The following MBNL3 variants were observed in gnomAD, a reference collection of about 807,000 sequenced individuals.
The protein encoded by MBNL3 is muscleblind like splicing regulator 3.
Under a neutral mutation model 24.5 loss-of-function variants are expected in MBNL3, and 6 were observed. The ratio of observed to expected loss-of-function variants is 0.25; its 90% CI spans 0.13 to 0.48. The LOEUF is 0.48. Among genes scored for constraint, MBNL3 ranks in the 20% least tolerant of loss-of-function variants. The pLI, the probability that MBNL3 is intolerant of heterozygous loss-of-function variation, is 0.99. For synonymous variants in MBNL3, 100 were observed against 101.7 expected, an observed-to-expected ratio of 0.98 and a Z score of 0.10; for missense variants, 230 against 293.5, an observed-to-expected ratio of 0.78 and a Z score of 1.58.
At chrX:132,396,496 AT>A (rs1299661856) in intron 3 of MBNL3, among the ~76,000 whole-genome samples, 1 of 72,955 alleles carries the variant, frequency 1.4e-5, no homozygotes, top group Non-Finnish European at 2.4e-5. Flanking sequence ...TCCTATATAT[AT>A]TCCTATATAT....
chrX:132,462,040 C>T (rs1946655192), intron 1 of MBNL3, among the ~76,000 whole-genome samples: 1 of 111,556 alleles, frequency 9.0e-6, no homozygotes, highest in African/African-American at 3.3e-5. Flanking sequence ...GATCTACAGG[C>T]CAACTCCCTC....
rs181994946 is a variant in MBNL3 at position 132,386,575 on chromosome X, T to C, written c.922+86A>G. ...TCAAAATACATGTCGACAGTCCTCC[T>C]ATACAAGCTCTTTGAAAGCTGTTTT... On this transcript the variant is annotated intron_variant, in intron 6 of 8. Coordinates refer to ENST00000370853, the MANE Select transcript of MBNL3 (RefSeq NM_001386889.1). The C allele has an allele frequency of 6.5e-4, 685 of 1,060,128 alleles. 4 individuals are homozygous for C. The African/African-American group carries it at 0.011, about 18-fold the overall frequency. 87.4% of individuals were successfully genotyped at this position (1,060,128 alleles called of 1,213,427 possible). A position where few individuals can be genotyped will look rare whatever the true frequency, so the allele number is the denominator to read the frequency against.
intron 1 of MBNL3, among the ~76,000 whole-genome samples, chrX:132,454,929 A>T (rs1434090840): frequency 8.9e-6 from 1 of 111,952 alleles, no homozygotes; most frequent in African/African-American, 3.2e-5. Flanking sequence ...AAAAATTTTC[A>T]TTTTTCTCTT....
rs1423074175 is a variant in MBNL3 at position 132,370,052 on chromosome X, CTGTT to C, written c.*9610_*9613del. 2 of 111,942 alleles carry C rather than the reference CTGTT, an allele frequency of 1.8e-5. No individual in the cohort carries two copies. Among genetic ancestry groups the C allele is most frequent in the Non-Finnish European group, 3.8e-5 (2 of 53,216 alleles). 9.2% of individuals were successfully genotyped at this position (111,942 alleles called of 1,213,427 possible). A position where few individuals can be genotyped will look rare whatever the true frequency, so the allele number is the denominator to read the frequency against. On this transcript the variant is annotated 3_prime_UTR_variant, in exon 9 of 9. Coordinates refer to ENST00000370853, the MANE Select transcript of MBNL3 (RefSeq NM_001386889.1). ...GGCTGCCCTTTGTATCCAAAATCCTCTGTTTGGAGCTCTTGGCTTTTATTCCCCA... is the reference window on the plus strand; with the variant it reads ...GGCTGCCCTTTGTATCCAAAATCCTCTGGAGCTCTTGGCTTTTATTCCCCA...
intron 2 of MBNL3, among the ~76,000 whole-genome samples, chrX:132,426,295 A>T (rs192968338): frequency 7.1e-5 from 8 of 112,258 alleles, no homozygotes; most frequent in Admixed American, 1.9e-4. Flanking sequence ...TAAGATGAGC[A>T]CAAGGTCAGT....
At chrX:132,396,775 TATATATATTCATATATATATTC>T (rs1325667586) in intron 3 of MBNL3, among the ~76,000 whole-genome samples, 220 of 9,196 alleles carry the variant, frequency 0.024, 21 homozygotes, top group Admixed American at 0.17. Context: ...CATATATACA[TATATATATTCATATATATATTC>T]ATATATATTC....
At chrX:132,436,398 T>G (rs929825940) in intron 2 of MBNL3, among the ~76,000 whole-genome samples, 1 of 112,047 alleles carries the variant, frequency 8.9e-6, no homozygotes, top group Non-Finnish European at 1.9e-5. Context: ...CATTATGAGG[T>G]GAGTTAGAAC....
intron 1 of MBNL3, among the ~76,000 whole-genome samples, chrX:132,470,140 T>C (rs1947102026): frequency 8.9e-6 from 1 of 111,912 alleles, no homozygotes; most frequent in Non-Finnish European, 1.9e-5. Context: ...TTCCACTTTT[T>C]GGCTATTGTG....
At chrX:132,388,712 A>T (rs1423240371) in intron 5 of MBNL3, among the ~76,000 whole-genome samples, 1 of 111,328 alleles carries the variant, frequency 9.0e-6, no homozygotes, top group African/African-American at 3.3e-5. Flanking sequence ...ACTGTGGATG[A>T]ACTAAGTATC....
chrX:132,432,928 A>G (rs1944857207), intron 2 of MBNL3: 1 of 111,974 alleles, frequency 8.9e-6, no homozygotes, highest in South Asian at 3.7e-4. Flanking sequence ...GCCAGGACTC[A>G]CAGACTCAAT....
intron 3 of MBNL3, among the ~76,000 whole-genome samples, chrX:132,396,551 TATTCCTATATATATTCCTATA>T (rs1320428774): frequency 4.3e-5 from 1 of 23,415 alleles, no homozygotes; most frequent in Non-Finnish European, 1.1e-4. Context: ...TATTCCTATA[TATTCCTATATATATTCCTATA>T]TATATTCCTA....
At chrX:132,422,579 C>T (rs1217128935) in intron 2 of MBNL3, among the ~76,000 whole-genome samples, 2 of 111,833 alleles carry the variant, frequency 1.8e-5, no homozygotes, top group Admixed American at 1.9e-4. Context: ...ATAGGTCTCC[C>T]AAAGAAACAT....
At chrX:132,462,794 A>G (rs1946692409) in intron 1 of MBNL3, among the ~76,000 whole-genome samples, 1 of 111,560 alleles carries the variant, frequency 9.0e-6, no homozygotes, top group South Asian at 3.7e-4. Flanking sequence ...ACTGTATTCA[A>G]TACGTGACAC....
chrX:132,417,325 G>A (rs1943390023), intron 2 of MBNL3, among the ~76,000 whole-genome samples: 1 of 111,713 alleles, frequency 9.0e-6, no homozygotes, highest in Non-Finnish European at 1.9e-5. Flanking sequence ...TAGTGATAAA[G>A]GGAGGCTTTT....
At chrX:132,475,297 C>A in intron 1 of MBNL3, among the ~76,000 whole-genome samples, 1 of 112,131 alleles carries the variant, frequency 8.9e-6, no homozygotes, top group African/African-American at 3.2e-5. Context: ...CCTTTTGTTA[C>A]ATCAAGATGG....
chrX:132,405,098 C>A lies in MBNL3; in HGVS notation c.342+1130G>T, dbSNP rs1941565836. Among the ~76,000 whole-genome samples, 3 of 111,960 alleles carry A rather than the reference C, an allele frequency of 2.7e-5. No individual in the cohort carries two copies. In the Admixed American group the frequency reaches 2.8e-4, roughly 11 times the overall value. On this transcript the variant is annotated intron_variant, in intron 3 of 8. Coordinates refer to ENST00000370853, the MANE Select transcript of MBNL3 (RefSeq NM_001386889.1). ...AGGGCAAGATGAATTTTCAATAGAA[C>A]AATATGAACAGATATAGCTTAATTA...
intron 1 of MBNL3, among the ~76,000 whole-genome samples, chrX:132,466,764 G>A (rs889369462): frequency 3.6e-5 from 4 of 111,632 alleles, no homozygotes; most frequent in Non-Finnish European, 7.5e-5. Context: ...TCAGCAAAAG[G>A]CTGTGAATGT....
intron 1 of MBNL3, among the ~76,000 whole-genome samples, chrX:132,462,834 T>C (rs1010182491): frequency 2.7e-5 from 3 of 111,420 alleles, no homozygotes; most frequent in South Asian, 3.8e-4. Flanking sequence ...TTGCTAGAGC[T>C]TAACACTTCA....
intron 1 of MBNL3, among the ~76,000 whole-genome samples, chrX:132,468,306 C>T (rs929586190): frequency 8.0e-5 from 9 of 112,017 alleles, no homozygotes; most frequent in Non-Finnish European, 1.5e-4. Flanking sequence ...TCTGTGACCA[C>T]GCAAAAGGAG....
Sources: allele counts gnomAD v4.1 joint callset (sites outside exome capture counted in the v4.1 genomes callset), GRCh38; gene constraint gnomAD v4.1.1; transcripts MANE v1.5; gene names NCBI Gene and HGNC (gene_info 2026-07-23, HGNC 2026-07-21).